RBMS1: variants seen among roughly 807,000 people sequenced by gnomAD.
The protein encoded by RBMS1 is RNA binding motif single stranded interacting protein 1.
A neutral mutation model predicts 62.3 loss-of-function variants in RBMS1; 17 were observed. That is an observed-to-expected ratio of 0.27 (90% CI 0.19 to 0.41). The LOEUF (loss-of-function observed/expected upper bound fraction) is 0.41, where lower values mean the gene tolerates loss of function less well. RBMS1 is among the 10% of genes least tolerant of loss of function. The pLI is 1.00. For synonymous variants in RBMS1, 172 were observed against 170.0 expected (o/e 1.01, Z -0.09); for missense variants, 334 against 504.5 (o/e 0.66, Z 3.24).
At chr2:160,312,644 C>T (rs1452673186) in intron 4 of RBMS1, among the ~76,000 whole-genome samples, 1 of 152,032 alleles carries the variant, frequency 6.6e-6, no homozygotes, top group African/African-American at 2.4e-5. Context: ...CACTATTGCA[C>T]AGTAAAAATA....
intron 2 of RBMS1, among the ~76,000 whole-genome samples, chr2:160,354,466 A>G (rs1692686647): frequency 6.6e-6 from 1 of 152,082 alleles, no homozygotes; most frequent in Admixed American, 6.6e-5. Flanking sequence ...ACAATTCCAC[A>G]ATTTATGGCC....
At chr2:160,443,842 A>G (rs1379416377) in intron 1 of RBMS1, among the ~76,000 whole-genome samples, 2 of 152,216 alleles carry the variant, frequency 1.3e-5, no homozygotes, top group African/African-American at 4.8e-5. Flanking sequence ...GAAATAGAAT[A>G]TTGGTCAATG....
chr2:160,349,282 G>A (rs1692353263), intron 2 of RBMS1, among the ~76,000 whole-genome samples: 2 of 152,156 alleles, frequency 1.3e-5, no homozygotes, highest in South Asian at 4.1e-4. Context: ...TGAAGAGCCA[G>A]AGGCTAAAAG....
chr2:160,322,736 C>T (rs1005455835), intron 2 of RBMS1, among the ~76,000 whole-genome samples: 9 of 152,182 alleles, frequency 5.9e-5, no homozygotes, highest in African/African-American at 1.9e-4. Flanking sequence ...ACAAGAGGCT[C>T]CCATTAAAAT....
intron 6 of RBMS1, among the ~76,000 whole-genome samples, chr2:160,297,594 G>A (rs527701159): frequency 5.8e-4 from 89 of 152,336 alleles, no homozygotes; most frequent in African/African-American, 1.9e-3. Flanking sequence ...CAGCACACAC[G>A]GAGGTGTCCT....
At position 160,346,258 on chromosome 2, in the gene RBMS1, G is replaced by A. The variant is rs188794477; in HGVS notation, c.251+20958C>T. On this transcript the variant is annotated intron_variant, in intron 2 of 13. Transcript: ENST00000348849. ...TTAACATGAATATGCCAGTCCAGAA[G>A]TGATGCTAAAAGTATTTAACTCCTT... 2.8e-4 allele frequency among the ~76,000 whole-genome samples: 43 copies of A among 152,254 alleles called. 1 individual carries two copies. The highest frequency in any genetic ancestry group is 9.9e-4 in the African/African-American group (41 of 41,558).
chr2:160,425,481 G>C (rs572845454), intron 1 of RBMS1, among the ~76,000 whole-genome samples: 34 of 152,266 alleles, frequency 2.2e-4, no homozygotes, highest in Admixed American at 2.1e-3. Flanking sequence ...CGGGTACTGT[G>C]CATGGAGAAG....
chr2:160,365,468 A>G (rs1573938787), intron 2 of RBMS1, among the ~76,000 whole-genome samples: 1 of 152,202 alleles, frequency 6.6e-6, no homozygotes, highest in African/African-American at 2.4e-5. Flanking sequence ...AAAGAAATGA[A>G]TATTCTAGGA....
rs1434919079 is a variant in RBMS1, at chr2:160,284,941, T to C, written c.806+54A>G. On this transcript the variant is annotated intron_variant, in intron 8 of 13. Coordinates refer to ENST00000348849, the MANE Select transcript of RBMS1 (RefSeq NM_016836.4). ...AATTCATGGAACAAATGTCTGATAT[T>C]TTCCACCTTCACATTTTCCCTCAAG... The C allele has an allele frequency of 2.5e-6, 4 of 1,578,006 alleles. No homozygotes were observed. The African/African-American group carries it at 5.4e-5, about 21-fold the overall frequency.
In RBMS1 at chr2:160,405,751, C is replaced by G. The variant is rs146855654; in HGVS notation, c.76-38360G>C. ...GTGCTCCAGACCAGCAGGCTACCCC[C>G]CTTCACACACAAAACCTCCAGCCCC... On this transcript the variant is annotated intron_variant, in intron 1 of 13. Transcript: ENST00000348849. Among the ~76,000 whole-genome samples the G allele has an allele frequency of 2.4e-3, 364 of 152,292 alleles. 2 individuals are homozygous for G. The highest frequency in any genetic ancestry group is 8.0e-3 in the African/African-American group (331 of 41,544).
At chr2:160,316,997 T>C (rs1472714756) in intron 3 of RBMS1, among the ~76,000 whole-genome samples, 1 of 152,228 alleles carries the variant, frequency 6.6e-6, no homozygotes, top group Non-Finnish European at 1.5e-5. Context: ...CAGTCTATAA[T>C]TTGACTCTCT....
Position 160,410,889 on chromosome 2 carries a change from G to T in RBMS1, c.76-43498C>A, listed in dbSNP as rs1050737964. Among the ~76,000 whole-genome samples, 2 of 152,166 alleles carry T rather than the reference G, an allele frequency of 1.3e-5. 1 individual carries two copies. The highest frequency in any genetic ancestry group is 4.1e-4 in the South Asian group (2 of 4,838). On this transcript the variant is annotated intron_variant, in intron 1 of 13. Transcript: ENST00000348849. ...CTCCCGAGTAGCTGGGACTACAGGC[G>T]TGTGCCACCACGCCTGTCTAATTTT...
At chr2:160,481,357 G>GT (rs1685362623) in intron 1 of RBMS1, among the ~76,000 whole-genome samples, 1 of 81,006 alleles carries the variant, frequency 1.2e-5, no homozygotes, top group African/African-American at 4.7e-5. Flanking sequence ...AGTAGGAAAT[G>GT]TAAAAAAAAA....
rs1685941007 is a variant in RBMS1, at chr2:160,493,338, A to C, written c.26T>G (p.Met9Arg). 6.2e-7 allele frequency: 1 copy of C among 1,613,306 alleles called. No individual in the cohort carries two copies. Among genetic ancestry groups the C allele is most frequent in the Non-Finnish European group, 8.5e-7 (1 of 1,179,546 alleles). The change falls in exon 1 of 14, where the codon ATG (methionine) becomes AGG (arginine). Residue 9 changes from methionine to arginine, a missense_variant. By Grantham distance (91) the Met-to-Arg change is moderately conservative. Transcript: ENST00000348849. ...ATAGTAGGTGGCGTACTGAGGGTAC[A>C]TCTGCTGTTTCCACACTTTGCCCAT... MGKVWKQQ[M>R]YPQYATYYYP...
rs776049737 is a variant in RBMS1 at position 160,278,648 on chromosome 2, A to G, written c.962T>C (p.Leu321Ser). ...CATGGTGTGCTCCATTGAGGGAGTT[A>G]ACACGGCACCCTGGGGAGTTGGAGA... Reference protein sequence around the residue: ...PYILQHPGAVLTPSMEHTMSL... With the variant: ...PYILQHPGAVSTPSMEHTMSL... The change falls in exon 11 of 14, where the codon TTA (leucine) becomes TCA (serine). Residue 321 changes from leucine (L) to serine (S), a missense_variant. Leu to Ser is a moderately radical substitution (Grantham distance 145). Around this residue, in one of 3 missense-constraint regions of RBMS1, gnomAD observed 182 missense variants for 257.7 expected, o/e 0.71. Coordinates refer to ENST00000348849, the MANE Select transcript of RBMS1 (RefSeq NM_016836.4). 1.2e-6 allele frequency: 2 copies of G among 1,611,920 alleles called. No homozygotes were observed. Among genetic ancestry groups the G allele is most frequent in the Non-Finnish European group, 1.7e-6 (2 of 1,178,824 alleles).
chr2:160,407,804 G>C (rs143050684), intron 1 of RBMS1: 23,513 of 981,318 alleles, frequency 0.024, 306 homozygotes, highest in South Asian at 0.026. Context: ...CCATGGACGG[G>C]AGTTCGCGCG....
At chr2:160,317,714 C>T (rs1268437244) in intron 3 of RBMS1, among the ~76,000 whole-genome samples, 1 of 152,168 alleles carries the variant, frequency 6.6e-6, no homozygotes, top group Non-Finnish European at 1.5e-5. Context: ...ATTGGGAGTA[C>T]TGAAACATGT....
chr2:160,345,838 T>C (rs1263138328), intron 2 of RBMS1, among the ~76,000 whole-genome samples: 2 of 152,100 alleles, frequency 1.3e-5, no homozygotes, highest in Non-Finnish European at 2.9e-5. Context: ...GTGGGAACAA[T>C]CTTTCCTTAT....
intron 1 of RBMS1, among the ~76,000 whole-genome samples, chr2:160,447,810 G>T (rs985261184): frequency 6.6e-6 from 1 of 152,184 alleles, no homozygotes. Context: ...AGTGCTGGGG[G>T]TCAAGAGATG....
Sources: gnomAD v4.1 joint callset for allele counts (sites outside exome capture counted in the v4.1 genomes callset) on GRCh38, gnomAD v4.1.1 for gene constraint, gnomAD v4.1.1 regional missense constraint, MANE v1.5 for transcripts, NCBI Gene and HGNC (gene_info 2026-07-23, HGNC 2026-07-21) for gene names.